Variants in TRIP13 observed in about 807,000 individuals in gnomAD.
TRIP13 encodes pachytene checkpoint protein 2 homolog.
TRIP13 carries 25 observed loss-of-function variants against 54.4 expected under a neutral mutation model. The observed-to-expected ratio is 0.46, with a 90% confidence interval of 0.33 to 0.64. TRIP13 has a LOEUF of 0.64. TRIP13 is among the 30% of genes least tolerant of loss of function. The pLI, the probability that TRIP13 is intolerant of heterozygous loss-of-function variation, is 0.02. For synonymous variants in TRIP13, 207 were observed against 207.8 expected, an observed-to-expected ratio of 1.00 and a Z score of 0.03; for missense variants, 373 against 534.2, an observed-to-expected ratio of 0.70 and a Z score of 2.97.
Position 912,628 on chromosome 5 carries a change from C to T in TRIP13, c.1020+632C>T, listed in dbSNP as rs1273391511. 3.3e-5 allele frequency among the ~76,000 whole-genome samples: 5 copies of T among 150,890 alleles called. No individual in the cohort carries two copies. The highest frequency in any genetic ancestry group is 5.9e-5 in the Non-Finnish European group (4 of 67,630). ...GTGTGAGTCAGGAGGGCCGTCGCCA[C>T]GGGCACAATGACATGTGCGGTGAGT... On this transcript the variant is annotated intron_variant, in intron 10 of 12. Coordinates refer to ENST00000166345, the MANE Select transcript of TRIP13 (RefSeq NM_004237.4). This position sits in a 1 kb window ranked among gnomAD's most constrained non-coding sequence, Gnocchi z 7.2.
In TRIP13 at chr5:908,521, T is replaced by G; in HGVS notation, c.866+60T>G. 1 of 1,601,964 alleles carries G rather than the reference T, an allele frequency of 6.2e-7. No homozygotes were observed. Among genetic ancestry groups the G allele is most frequent in the Non-Finnish European group, 8.5e-7 (1 of 1,175,162 alleles). Reference sequence around the variant, plus strand: ...TGATGAGAAGTTTGTCCCAAAGAAATGCGTGATACTTGTGCAACCCTAGAT... The same window carrying G: ...TGATGAGAAGTTTGTCCCAAAGAAAGGCGTGATACTTGTGCAACCCTAGAT... On this transcript the variant is annotated intron_variant, in intron 9 of 12. Transcript: ENST00000166345. This position sits in a 1 kb window ranked among gnomAD's most constrained non-coding sequence, Gnocchi z 5.2.
rs1167367840 is a variant in TRIP13 at position 907,097 on chromosome 5, A to G, written c.609-33A>G. ...CCGCTGAGGATCCACAGGACCAGTT[A>G]GTAATTCTCTCAACTCCTTTTTTCT... On this transcript the variant is annotated intron_variant, in intron 6 of 12. Transcript: ENST00000166345. The surrounding 1 kb of genome is among the most constrained non-coding windows in gnomAD (Gnocchi z 4.1). 2 of 1,595,642 alleles carry G rather than the reference A, an allele frequency of 1.3e-6. No homozygotes were observed. The highest frequency in any genetic ancestry group is 1.3e-5 in the African/African-American group (1 of 74,494).
chr5:901,316 A>G (rs1185676080), intron 4 of TRIP13, 25 bp from the exon 5 acceptor site: 1 of 1,609,232 alleles, frequency 6.2e-7, no homozygotes, highest in Non-Finnish European at 8.5e-7. Context: ...TATCTTTGTC[A>G]AGCTCTTTTC....
At chr5:918,132 A>T (rs1190456103), downstream of TRIP13, 1 of 152,162 alleles carries the variant, frequency 6.6e-6, no homozygotes, top group African/African-American at 2.4e-5. This position sits in a 1 kb window ranked among gnomAD's most constrained non-coding sequence, Gnocchi z 4.3. Context: ...TTTAAGCCTG[A>T]TTTATGGTGT....
chr5:911,954 C>T lies in TRIP13; in HGVS notation c.978C>T (p.Ala326=), dbSNP rs767813417. Residue 326 remains alanine, a synonymous_variant, in exon 10 of 13, where the codon GCC becomes GCT. Coordinates refer to ENST00000166345, the MANE Select transcript of TRIP13 (RefSeq NM_004237.4). This position sits in a 1 kb window ranked among gnomAD's most constrained non-coding sequence, Gnocchi z 4.7. ...ACATTGGGCCACCCTCTGCAGCAGC[C>T]ATCTTCAAAATCTACCTCTCTTGTT... ...KQYIGPPSAA[A]IFKIYLSCLE... The T allele has an allele frequency of 7.4e-6, 12 of 1,613,518 alleles. No individual in the cohort carries two copies. The highest frequency in any genetic ancestry group is 2.2e-5 in the East Asian group (1 of 44,854).
chr5:900,614 C>T, intron 4 of TRIP13, 65 bp downstream of exon 4: 2 of 1,568,360 alleles, frequency 1.3e-6, no homozygotes, highest in Non-Finnish European at 1.7e-6. Context: ...CTGTTTTGCT[C>T]TCCAACACCC....
Position 908,292 on chromosome 5 carries a change from C to G in TRIP13, c.760-63C>G. ...TTTCACGTGCTCAGCGGGACGTATCCCCATAGCTGCCTGTGAAGTGCCAGG... is the reference window on the plus strand; with the variant it reads ...TTTCACGTGCTCAGCGGGACGTATCGCCATAGCTGCCTGTGAAGTGCCAGG... On this transcript the variant is annotated intron_variant, in intron 8 of 12. Coordinates refer to ENST00000166345, the MANE Select transcript of TRIP13 (RefSeq NM_004237.4). The surrounding 1 kb of genome is among the most constrained non-coding windows in gnomAD (Gnocchi z 5.2). 3 of 1,563,380 alleles carry G rather than the reference C, an allele frequency of 1.9e-6. No individual in the cohort carries two copies. Among genetic ancestry groups the G allele is most frequent in the Non-Finnish European group, 2.6e-6 (3 of 1,142,702 alleles).
chr5:893,229 C>T, intron 1 of TRIP13, 139 bp downstream of exon 1: 2 of 859,282 alleles, frequency 2.3e-6, no homozygotes, highest in South Asian at 1.7e-5. Flanking sequence ...TGGACCCGGG[C>T]GCACAGGCCG....
intron 10 of TRIP13, 132 bp from the exon 11 acceptor site, chr5:914,333 C>A: frequency 1.5e-6 from 1 of 668,082 alleles, no homozygotes; most frequent in South Asian, 1.7e-5. Context: ...CATCTTGAGT[C>A]GTCACCGTCT....
chr5:914,415 G>T (rs1754301045), intron 10 of TRIP13, 50 bp from the exon 11 acceptor site: 1 of 1,374,906 alleles, frequency 7.3e-7, no homozygotes. Flanking sequence ...CGGTGCCTAC[G>T]CTCAGGCCTC....
At chr5:895,515 C>T (rs1753895375) in intron 2 of TRIP13, among the ~76,000 whole-genome samples, 1 of 152,184 alleles carries the variant, frequency 6.6e-6, no homozygotes, top group Non-Finnish European at 1.5e-5. Context: ...AGTACAATTC[C>T]TGTCCTGTAA....
Position 907,857 on chromosome 5 carries a change from C to A in TRIP13, c.673-131C>A. The A allele has an allele frequency of 1.2e-6, 1 of 844,778 alleles. No individual in the cohort carries two copies. Among genetic ancestry groups the A allele is most frequent in the Non-Finnish European group, 1.9e-6 (1 of 514,296 alleles). 52.3% of individuals were successfully genotyped at this position (844,778 alleles called of 1,614,324 possible). On this transcript the variant is annotated intron_variant, in intron 7 of 12. Transcript: ENST00000166345. This position sits in a 1 kb window ranked among gnomAD's most constrained non-coding sequence, Gnocchi z 4.1. ...GCCCTAGCTTCTCTGATTTAGGGAG[C>A]TTTCTGAGGGGCCGTCAGGAGACAG...
Position 907,968 on chromosome 5 carries a change from A to G in TRIP13, c.673-20A>G. 6.2e-7 allele frequency: 1 copy of G among 1,613,906 alleles called. No homozygotes were observed. Among genetic ancestry groups the G allele is most frequent in the Non-Finnish European group, 8.5e-7 (1 of 1,179,774 alleles). On this transcript the variant is annotated intron_variant, in intron 7 of 12. Transcript: ENST00000166345. This position sits in a 1 kb window ranked among gnomAD's most constrained non-coding sequence, Gnocchi z 4.1. Reference sequence around the variant, plus strand: ...GTGTGGTCCCTGCACGTTGACACTAAAAGGGTGTTTGGGTTCCAGAGTGGC... The same window carrying G: ...GTGTGGTCCCTGCACGTTGACACTAGAAGGGTGTTTGGGTTCCAGAGTGGC...
chr5:916,946 A>T, intron 12 of TRIP13, 62 bp from the exon 13 acceptor site: 4 of 1,517,446 alleles, frequency 2.6e-6, no homozygotes, highest in Non-Finnish European at 3.6e-6. Context: ...GGGGCTGTGG[A>T]TGCCAGATGG....
intron 3 of TRIP13, among the ~76,000 whole-genome samples, chr5:900,113 T>C (rs1380316266): frequency 6.6e-6 from 1 of 152,266 alleles, no homozygotes; most frequent in Non-Finnish European, 1.5e-5. Flanking sequence ...AATGATAGTT[T>C]AATGAAAACA....
chr5:900,564 C>T lies in TRIP13; in HGVS notation c.444+15C>T, dbSNP rs773986172. 1.9e-6 allele frequency: 3 copies of T among 1,609,506 alleles called. No homozygotes were observed. Among genetic ancestry groups the T allele is most frequent in the Non-Finnish European group, 2.5e-6 (3 of 1,178,812 alleles). ...TCAAATCCCATGTAAGTTGCTGTGC[C>T]TTTTCCCAGAATGCCCTGTTATTTG... On this transcript the variant is annotated intron_variant, in intron 4 of 12. Transcript: ENST00000166345.
At chr5:916,048 G>T in intron 12 of TRIP13, 75 bp downstream of exon 12, 5 of 1,431,194 alleles carry the variant, frequency 3.5e-6, no homozygotes, top group South Asian at 1.1e-5. Context: ...CCGCTTAGTA[G>T]CCCTGGGGTA....
rs753761888 is a variant in TRIP13, at chr5:908,882, C to T, written c.866+421C>T. On this transcript the variant is annotated intron_variant, in intron 9 of 12. Transcript: ENST00000166345. The surrounding 1 kb of genome is among the most constrained non-coding windows in gnomAD (Gnocchi z 5.2). The stretch of plus-strand genomic sequence containing the variant: ...CTGAGGCAGGAGAATGGTGTGAACC[C>T]GGGAGGCAGAACTTGCAGTGAGCCG... 46 of 183,574 alleles carry T rather than the reference C, an allele frequency of 2.5e-4. No homozygotes were observed. Among genetic ancestry groups the T allele is most frequent in the Non-Finnish European group, 3.9e-4 (34 of 87,396 alleles). The allele number at this position is 183,574 out of a possible 1,614,324, so 11.4% of individuals were successfully genotyped here.
chr5:907,278 C>A lies in TRIP13; in HGVS notation c.672+85C>A. ...TGTTAGGCAAATCCTCCTCCAGAAG[C>A]TTCAGGAGAGAACTGGGTGGGAAGG... On this transcript the variant is annotated intron_variant, in intron 7 of 12. Coordinates refer to ENST00000166345, the MANE Select transcript of TRIP13 (RefSeq NM_004237.4). The surrounding 1 kb of genome is among the most constrained non-coding windows in gnomAD (Gnocchi z 4.1). The A allele has an allele frequency of 8.2e-7, 1 of 1,219,254 alleles. No individual in the cohort carries two copies. Among genetic ancestry groups the A allele is most frequent in the Non-Finnish European group, 1.2e-6 (1 of 839,916 alleles). The allele number at this position is 1,219,254 out of a possible 1,614,324, so 75.5% of individuals were successfully genotyped here.
Sources: gnomAD v4.1 joint callset for allele counts (sites outside exome capture counted in the v4.1 genomes callset) on GRCh38, gnomAD v4.1.1 for gene constraint, Gnocchi (gnomAD v3.1) non-coding constraint, MANE v1.5 for transcripts, NCBI Gene and HGNC (gene_info 2026-07-23, HGNC 2026-07-21) for gene names.